EIF3B: variants seen among roughly 807,000 people sequenced by gnomAD.
The protein encoded by EIF3B is eukaryotic translation initiation factor 3 subunit 9.
In EIF3B, 10 loss-of-function variants were observed where a neutral mutation model predicts 104.6. The ratio of observed to expected loss-of-function variants is 0.10; its 90% confidence interval spans 0.06 to 0.16. EIF3B has a LOEUF of 0.16. EIF3B is among the 10% of genes least tolerant of loss of function. The pLI, the probability that EIF3B is intolerant of heterozygous loss-of-function variation, is 1.00. For synonymous variants in EIF3B, 542 were observed against 417.2 expected (o/e 1.30, Z -3.65); for missense variants, 1,014 against 1,087.9 (o/e 0.93, Z 0.96).
intron 1 of EIF3B, among the ~76,000 whole-genome samples, chr7:2,356,329 A>G (rs1406115060): frequency 3.3e-5 from 5 of 152,142 alleles, no homozygotes; most frequent in Non-Finnish European, 5.9e-5. Context: ...AGGCTATCAG[A>G]GGGCCGGGCT....
At chr7:2,358,506 ATATT>A (rs1270200044) in intron 1 of EIF3B, among the ~76,000 whole-genome samples, 2 of 45,182 alleles carry the variant, frequency 4.4e-5, no homozygotes, top group Non-Finnish European at 1.3e-4. Context: ...GGACATCTGC[ATATT>A]TAGTATGTTG....
intron 10 of EIF3B, among the ~76,000 whole-genome samples, chr7:2,371,094 A>G (rs542944576): frequency 1.3e-5 from 2 of 152,292 alleles, no homozygotes; most frequent in East Asian, 1.9e-4. Flanking sequence ...TGTTTTTGTC[A>G]CCCTACAAAG....
intron 2 of EIF3B, among the ~76,000 whole-genome samples, chr7:2,361,938 G>A (rs1779755276): frequency 6.9e-6 from 1 of 144,204 alleles, no homozygotes; most frequent in Non-Finnish European, 1.5e-5. Flanking sequence ...TACCACGCCT[G>A]GCTTGCTTGC....
At chr7:2,362,478 C>G (rs1779783768) in intron 2 of EIF3B, among the ~76,000 whole-genome samples, 167 bp from the exon 3 acceptor site, 1 of 152,162 alleles carries the variant, frequency 6.6e-6, no homozygotes, top group Non-Finnish European at 1.5e-5. Context: ...TAGGAGCTCC[C>G]TGGCTGTGGA....
chr7:2,366,980 C>T lies in EIF3B; in HGVS notation c.1357-19C>T. The T allele has an allele frequency of 1.2e-6, 2 of 1,610,384 alleles. No individual in the cohort carries two copies. The highest frequency in any genetic ancestry group is 1.7e-6 in the Non-Finnish European group (2 of 1,178,932). On this transcript the variant is annotated intron_variant, in intron 8 of 18. Transcript: ENST00000360876. Reference sequence around the variant, plus strand: ...TGACATGATTTGACTCAACTGCAGCCTTCCTTTTTTTTGGGCAGTCTATGG... The same window carrying T: ...TGACATGATTTGACTCAACTGCAGCTTTCCTTTTTTTTGGGCAGTCTATGG...
At chr7:2,357,296 T>G (rs142688833) in intron 1 of EIF3B, among the ~76,000 whole-genome samples, 133 of 152,244 alleles carry the variant, frequency 8.7e-4, no homozygotes, top group African/African-American at 3.0e-3. Flanking sequence ...GAAGGTGCAG[T>G]GTTGGCCAGA....
Position 2,378,486 on chromosome 7 carries a change from G to A in EIF3B, c.2155-203G>A, listed in dbSNP as rs1199254354. 84 of 180,902 alleles carry A rather than the reference G, an allele frequency of 4.6e-4. 3 individuals are homozygous for A. Among genetic ancestry groups the A allele is most frequent in the East Asian group, 1.0e-3 (3 of 2,992 alleles). 11.2% of individuals were successfully genotyped at this position (180,902 alleles called of 1,614,324 possible). A position where few individuals can be genotyped will look rare whatever the true frequency, so the allele number is the denominator to read the frequency against. The stretch of plus-strand genomic sequence containing the variant: ...GTGAATGACCCTGGGTGTCATGGAG[G>A]AAGGAGCAGGCGCGAGTGCTGCTGG... On this transcript the variant is annotated intron_variant, in intron 15 of 18. Coordinates refer to ENST00000360876, the MANE Select transcript of EIF3B (RefSeq NM_001037283.2).
At position 2,355,395 on chromosome 7, in the gene EIF3B, C is replaced by T. The variant is rs750085337; in HGVS notation, c.474C>T (p.Asp158=). The change falls in exon 1 of 19, where the codon GAC becomes GAT. Residue 158 remains aspartate (D), a synonymous_variant. Coordinates refer to ENST00000360876, the MANE Select transcript of EIF3B (RefSeq NM_001037283.2). ...AGCCCTCCTTCAGCGACCCCGAGGA[C>T]TTCGTGGACGACGTGAGCGAGGAAG... ...ADEPSFSDPE[D]FVDDVSEEEL... is the part of the protein sequence containing the mutation. 35 of 1,493,208 alleles carry T rather than the reference C, an allele frequency of 2.3e-5. No individual in the cohort carries two copies. The Middle Eastern group carries it at 5.2e-4, about 22-fold the overall frequency. 92.5% of individuals were successfully genotyped at this position (1,493,208 alleles called of 1,614,324 possible). A position where few individuals can be genotyped will look rare whatever the true frequency, so the allele number is the denominator to read the frequency against.
At position 2,374,521 on chromosome 7, in the gene EIF3B, C is replaced by G; in HGVS notation, c.1811-7C>G. ...CAGCTCGTGACAGGCGCGCTCTTTC[C>G]TTTCAGAGATGTTCGACAAGCAGCA... is the stretch of plus-strand genomic sequence containing the variant. On this transcript the variant is annotated splice_region_variant and splice_polypyrimidine_tract_variant and intron_variant, in intron 12 of 18. Coordinates refer to ENST00000360876, the MANE Select transcript of EIF3B (RefSeq NM_001037283.2). The G allele has an allele frequency of 6.2e-7, 1 of 1,613,850 alleles. No homozygotes were observed. The highest frequency in any genetic ancestry group is 8.5e-7 in the Non-Finnish European group (1 of 1,179,848).
rs1026714201 is a variant in EIF3B, at chr7:2,372,602, C to T, written c.1688-71C>T. ...TATTTCTCTGTGGTTGAATAGTGAACATTTTAACTGATCAAGAGCACTATG... is the reference window on the plus strand; with the variant it reads ...TATTTCTCTGTGGTTGAATAGTGAATATTTTAACTGATCAAGAGCACTATG... On this transcript the variant is annotated intron_variant, in intron 11 of 18. Coordinates refer to ENST00000360876, the MANE Select transcript of EIF3B (RefSeq NM_001037283.2). 3.9e-6 allele frequency: 6 copies of T among 1,552,124 alleles called. No homozygotes were observed. The African/African-American group carries it at 5.5e-5, about 14-fold the overall frequency.
At chr7:2,378,458 TGTGTGAATGA>T (rs1223114073) in intron 15 of EIF3B, 100 of 215,760 alleles carry the variant, frequency 4.6e-4, no homozygotes, top group East Asian at 6.1e-4. Flanking sequence ...GAAGCTGTGT[TGTGTGAATGA>T]CCCTGGGTGT....
chr7:2,365,287 A>G (rs969351456), intron 6 of EIF3B, among the ~76,000 whole-genome samples: 3 of 152,106 alleles, frequency 2.0e-5, no homozygotes, highest in Admixed American at 6.5e-5. Context: ...CGGCTGTCGG[A>G]GGCCTGCTAG....
Position 2,362,673 on chromosome 7 carries a change from G to T in EIF3B, c.721G>T (p.Ala241Ser). 1.9e-6 allele frequency: 3 copies of T among 1,614,232 alleles called. No individual in the cohort carries two copies. Among genetic ancestry groups the T allele is most frequent in the Non-Finnish European group, 2.5e-6 (3 of 1,180,036 alleles). Residue 241 changes from alanine (A) to serine (S), a missense_variant, in exon 3 of 19, where the codon GCC becomes TCC. Ala to Ser is a moderately conservative substitution (Grantham distance 99). Around this residue, in one of 4 missense-constraint regions of EIF3B, gnomAD observed 488 missense variants for 404.3 expected, o/e 1.21. Transcript: ENST00000360876. The stretch of plus-strand genomic sequence containing the variant: ...TATTTTCCTGGAGTACGCGTCCCCT[G>T]CCCACGCTGTGGATGCTGTGAAGAA... ...GYIFLEYASP[A>S]HAVDAVKNAD...
intron 13 of EIF3B, chr7:2,375,022 A>T: frequency 3.0e-6 from 1 of 336,942 alleles, no homozygotes; most frequent in Non-Finnish European, 5.5e-6. Flanking sequence ...GCTGTGTTCC[A>T]GCAGTGTGTC....
chr7:2,363,058 T>C lies in EIF3B; in HGVS notation c.813-12T>C. 1 of 1,614,034 alleles carries C rather than the reference T, an allele frequency of 6.2e-7. No homozygotes were observed. Among genetic ancestry groups the C allele is most frequent in the Non-Finnish European group, 8.5e-7 (1 of 1,179,986 alleles). On this transcript the variant is annotated splice_polypyrimidine_tract_variant and intron_variant, in intron 3 of 18. Coordinates refer to ENST00000360876, the MANE Select transcript of EIF3B (RefSeq NM_001037283.2). ...CAGGGCGTGGGGCTCAGCAGTCTCCTTTCTTCTCCAGGTATATGACGATCA... is the reference window on the plus strand; with the variant it reads ...CAGGGCGTGGGGCTCAGCAGTCTCCCTTCTTCTCCAGGTATATGACGATCA...
chr7:2,362,391 G>A (rs570032347), intron 2 of EIF3B, among the ~76,000 whole-genome samples: 1 of 152,282 alleles, frequency 6.6e-6, no homozygotes, highest in South Asian at 2.1e-4. Context: ...AATAATGGAC[G>A]TTTTGATTAA....
intron 15 of EIF3B, chr7:2,378,177 G>C (rs1780765772): frequency 8.2e-6 from 1 of 121,576 alleles, no homozygotes; most frequent in Non-Finnish European, 1.7e-5. Flanking sequence ...AAGGAGGAAG[G>C]AGCAGGCGCG....
At position 2,356,384 on chromosome 7, in the gene EIF3B, G is replaced by C. The variant is rs776325138; in HGVS notation, c.499+964G>C. On this transcript the variant is annotated intron_variant, in intron 1 of 18. Coordinates refer to ENST00000360876, the MANE Select transcript of EIF3B (RefSeq NM_001037283.2). ...TCCCAGCACTTTGGGAGGCCGAGAC[G>C]GGTGGATCACGAGGTCACCATCCTG... is the stretch of plus-strand genomic sequence containing the variant. Among the ~76,000 whole-genome samples the C allele has an allele frequency of 4.3e-5, 6 of 141,030 alleles. No homozygotes were observed. The South Asian group carries it at 8.6e-4, about 20-fold the overall frequency. The allele number at this position is 141,030 out of a possible 152,430, so 92.5% of individuals were successfully genotyped here.
chr7:2,363,018 G>T (rs1328844892), intron 3 of EIF3B, 52 bp from the exon 4 acceptor site: 1 of 1,599,962 alleles, frequency 6.3e-7, no homozygotes, highest in East Asian at 2.2e-5. Flanking sequence ...CCCACGAGTT[G>T]CTCTTTCTAG....
Sources: allele counts gnomAD v4.1 joint callset (sites outside exome capture counted in the v4.1 genomes callset), GRCh38; gene constraint gnomAD v4.1.1; regional missense constraint gnomAD v4.1.1; transcripts MANE v1.5; gene names NCBI Gene and HGNC (gene_info 2026-07-23, HGNC 2026-07-21).